Variants in TMEM178A observed in about 807,000 individuals in gnomAD.
The protein encoded by TMEM178A is transmembrane protein 178.
A neutral mutation model predicts 29.1 loss-of-function variants in TMEM178A; 12 were observed. That is an observed-to-expected ratio of 0.41 (90% CI 0.26 to 0.67). TMEM178A has a LOEUF of 0.67. Among genes scored for constraint, TMEM178A ranks in the 30% least tolerant of loss-of-function variants. The pLI is 0.29. For missense variants in TMEM178A, 366 were observed against 419.1 expected (o/e 0.87, Z 1.11); for synonymous variants, 210 against 187.2 (o/e 1.12, Z -0.99).
Position 39,675,962 on chromosome 2 carries a change from T to A in TMEM178A, c.400+9588T>A, listed in dbSNP as rs563019538. Among the ~76,000 whole-genome samples, 6 of 152,270 alleles carry A rather than the reference T, an allele frequency of 3.9e-5. No homozygotes were observed. In the South Asian group the frequency reaches 1.2e-3, roughly 32 times the overall value. ...GCCTAGCTACTTTTCTTTTTAAATT[T>A]TTTTGTAGAAACAGGGTGTTGCTTT... is the stretch of plus-strand genomic sequence containing the variant. On this transcript the variant is annotated intron_variant, in intron 1 of 3. Transcript: ENST00000281961.
chr2:39,720,671 C>A (rs1169531640), downstream of TMEM178A, among the ~76,000 whole-genome samples: 1 of 152,196 alleles, frequency 6.6e-6, no homozygotes, highest in Non-Finnish European at 1.5e-5. Context: ...CTCAGCCCAC[C>A]CAGTGCCTGG....
chr2:39,722,113 C>T (rs1469053310), downstream of TMEM178A, among the ~76,000 whole-genome samples: 1 of 151,304 alleles, frequency 6.6e-6, no homozygotes, highest in Non-Finnish European at 1.5e-5. Context: ...CATAGGAACC[C>T]AGGAGACAAA....
intron 1 of TMEM178A, among the ~76,000 whole-genome samples, chr2:39,679,634 C>G (rs550415245): frequency 2.0e-5 from 3 of 152,242 alleles, no homozygotes; most frequent in Non-Finnish European, 4.4e-5. Flanking sequence ...TCCTTTGTCT[C>G]TGTTCTTTCA....
At chr2:39,713,593 A>T (rs996050814) in intron 3 of TMEM178A, among the ~76,000 whole-genome samples, 1 of 152,240 alleles carries the variant, frequency 6.6e-6, no homozygotes, top group Non-Finnish European at 1.5e-5. Context: ...GAAGATGGCC[A>T]TTGACAAGCC....
chr2:39,731,374 AAGTTCAAAAGCAT>A, the TMEM178A span, among the ~76,000 whole-genome samples: 5 of 152,192 alleles, frequency 3.3e-5, no homozygotes, highest in African/African-American at 1.2e-4. Context: ...GCGGGCTGAG[AAGTTCAAAAGCAT>A]AGTGCCACAT....
At chr2:39,715,704 G>C (rs1460395737) in intron 3 of TMEM178A, among the ~76,000 whole-genome samples, 2 of 152,286 alleles carry the variant, frequency 1.3e-5, no homozygotes, top group East Asian at 3.9e-4. Flanking sequence ...AACATTTATT[G>C]TCTAAGTGCA....
chr2:39,728,677 C>T, the TMEM178A span, among the ~76,000 whole-genome samples: 1 of 152,068 alleles, frequency 6.6e-6, no homozygotes, highest in Non-Finnish European at 1.5e-5. Context: ...ACTGCTACCT[C>T]TTACGATCTA....
intron 2 of TMEM178A, among the ~76,000 whole-genome samples, chr2:39,704,739 G>A (rs1159682671): frequency 6.6e-6 from 1 of 152,192 alleles, no homozygotes; most frequent in Non-Finnish European, 1.5e-5. Context: ...TGAAACTAAA[G>A]AGGGCTGATA....
chr2:39,666,370 GA>G lies in TMEM178A; in HGVS notation c.399del (p.Gly134ValfsTer26). 1 of 1,395,370 alleles carries G rather than the reference GA, an allele frequency of 7.2e-7. No individual in the cohort carries two copies. The highest frequency in any genetic ancestry group is 9.3e-7 in the Non-Finnish European group (1 of 1,069,700). The allele number at this position is 1,395,370 out of a possible 1,614,324, so 86.4% of individuals were successfully genotyped here. ...IDRDIDTLIL[K>X]GIAQRCTAIK... ...ACCGGGACATCGACACCCTCATCCT[GA>G]AAGGTGAGCGGCGGGCGCACCCCGC... On this transcript the variant is annotated frameshift_variant, in exon 1 of 4. Coordinates refer to ENST00000281961, the MANE Select transcript of TMEM178A (RefSeq NM_152390.3). LOFTEE classifies it high-confidence loss of function.
At chr2:39,732,694 G>A in the TMEM178A span, among the ~76,000 whole-genome samples, 1 of 152,168 alleles carries the variant, frequency 6.6e-6, no homozygotes, top group Non-Finnish European at 1.5e-5. Flanking sequence ...TTTGCTGCAG[G>A]CTTCACACAC....
the TMEM178A span, among the ~76,000 whole-genome samples, chr2:39,725,315 T>A: frequency 6.6e-6 from 1 of 152,188 alleles, no homozygotes; most frequent in Non-Finnish European, 1.5e-5. Flanking sequence ...TCATTATTCT[T>A]TAAAGCAATT....
At chr2:39,714,208 C>T (rs1167580891) in intron 3 of TMEM178A, among the ~76,000 whole-genome samples, 1 of 152,054 alleles carries the variant, frequency 6.6e-6, no homozygotes, top group Non-Finnish European at 1.5e-5. Flanking sequence ...GAAGGGCAAG[C>T]TATAGGGGCA....
chr2:39,729,804 C>T, the TMEM178A span, among the ~76,000 whole-genome samples: 1 of 152,280 alleles, frequency 6.6e-6, no homozygotes, highest in East Asian at 1.9e-4. Flanking sequence ...TGGATATTCT[C>T]CTCTTTTGCT....
In TMEM178A at chr2:39,691,788, T is replaced by C. The variant is rs542216318; in HGVS notation, c.401-12293T>C. On this transcript the variant is annotated intron_variant, in intron 1 of 3. Transcript: ENST00000281961. ...ATGAATAGATAAAGGAAAATTTTTA[T>C]ATATAGATATATAAAACATTTACAT... Among the ~76,000 whole-genome samples the C allele has an allele frequency of 2.6e-5, 4 of 151,738 alleles. No individual in the cohort carries two copies. The East Asian group carries it at 5.8e-4, about 22-fold the overall frequency.
intron 1 of TMEM178A, among the ~76,000 whole-genome samples, chr2:39,678,073 C>T (rs757406662): frequency 6.6e-6 from 1 of 152,166 alleles, no homozygotes; most frequent in Non-Finnish European, 1.5e-5. Context: ...CTTCAGGGAA[C>T]CATCTCCATA....
At chr2:39,728,771 C>T in the TMEM178A span, among the ~76,000 whole-genome samples, 1 of 151,856 alleles carries the variant, frequency 6.6e-6, no homozygotes, top group Non-Finnish European at 1.5e-5. Flanking sequence ...CAGAGTCCAC[C>T]CCTACACGTT....
intron 3 of TMEM178A, among the ~76,000 whole-genome samples, chr2:39,708,663 C>T (rs545886907): frequency 2.4e-4 from 37 of 151,706 alleles, no homozygotes; most frequent in Admixed American, 5.9e-4. Flanking sequence ...GTGATCCGCC[C>T]GCCTCGGCCT....
At chr2:39,674,830 CTT>C (rs921224949) in intron 1 of TMEM178A, among the ~76,000 whole-genome samples, 5 of 151,476 alleles carry the variant, frequency 3.3e-5, no homozygotes, top group Non-Finnish European at 7.4e-5. Flanking sequence ...CTCTCTCTCT[CTT>C]TTTTTTTCTC....
chr2:39,693,626 GAA>G (rs933151181), intron 1 of TMEM178A, among the ~76,000 whole-genome samples: 13 of 152,086 alleles, frequency 8.5e-5, no homozygotes, highest in Admixed American at 5.9e-4. Flanking sequence ...AGAGAGGGAA[GAA>G]AAAGGAAAGG....
Sources: allele counts gnomAD v4.1 joint callset (sites outside exome capture counted in the v4.1 genomes callset), GRCh38; gene constraint gnomAD v4.1.1; transcripts MANE v1.5; gene names NCBI Gene and HGNC (gene_info 2026-07-23, HGNC 2026-07-21).